Variants in SLC4A4 observed in about 807,000 individuals in gnomAD.
The protein encoded by SLC4A4 is electrogenic sodium bicarbonate cotransporter 1.
Under a neutral mutation model 111.5 loss-of-function variants are expected in SLC4A4, and 27 were observed. The observed-to-expected ratio is 0.24, with a 90% CI of 0.18 to 0.33. The LOEUF is 0.33. Ranked by LOEUF, SLC4A4 falls within the 10% of genes least tolerant of loss-of-function variation. The pLI, the probability that SLC4A4 is intolerant of heterozygous loss-of-function variation, is 1.00. For missense variants in SLC4A4, 909 were observed against 1,315.5 expected, an observed-to-expected ratio of 0.69 and a Z score of 4.78; for synonymous variants, 443 against 463.4, an observed-to-expected ratio of 0.96 and a Z score of 0.57.
intron 20 of SLC4A4, among the ~76,000 whole-genome samples, chr4:71,554,494 A>C (rs755012343): frequency 6.6e-6 from 1 of 151,844 alleles, no homozygotes; most frequent in South Asian, 2.1e-4. Context: ...TTGCTAATGC[A>C]TGAAAAGGTA....
At chr4:71,306,499 C>T (rs544542911) in intron 3 of SLC4A4, among the ~76,000 whole-genome samples, 4 of 152,074 alleles carry the variant, frequency 2.6e-5, no homozygotes, top group Non-Finnish European at 5.9e-5. Flanking sequence ...AGGATAATTG[C>T]TTGAACCCAG....
At chr4:71,491,256 A>G (rs1729878549) in intron 15 of SLC4A4, among the ~76,000 whole-genome samples, 1 of 151,876 alleles carries the variant, frequency 6.6e-6, no homozygotes, top group Non-Finnish European at 1.5e-5. Context: ...AAATAAGTAC[A>G]TCAACAACTT....
intron 23 of SLC4A4, among the ~76,000 whole-genome samples, chr4:71,562,887 G>A (rs917967216): frequency 6.6e-6 from 1 of 151,518 alleles, no homozygotes; most frequent in African/African-American, 2.4e-5. Context: ...AATTTTCCAT[G>A]TAGGTAATAG....
At chr4:71,503,300 A>C (rs1731113823) in intron 16 of SLC4A4, among the ~76,000 whole-genome samples, 1 of 149,048 alleles carries the variant, frequency 6.7e-6, no homozygotes, top group African/African-American at 2.5e-5. Context: ...ACTTAATTTC[A>C]TTTACATTCA....
chr4:71,298,212 T>C (rs77936763), intron 3 of SLC4A4, among the ~76,000 whole-genome samples: 62 of 152,332 alleles, frequency 4.1e-4, no homozygotes, highest in African/African-American at 1.4e-3. Flanking sequence ...CCATGAGCTG[T>C]CTTAATTCCA....
At chr4:71,556,947 C>T (rs1267062193) in intron 21 of SLC4A4, among the ~76,000 whole-genome samples, 2 of 151,918 alleles carry the variant, frequency 1.3e-5, no homozygotes, top group African/African-American at 2.4e-5. Flanking sequence ...GTGATAGGTT[C>T]TTGAATATCT....
intron 3 of SLC4A4, among the ~76,000 whole-genome samples, chr4:71,286,620 C>G (rs1348555255): frequency 6.6e-6 from 1 of 152,206 alleles, no homozygotes; most frequent in Non-Finnish European, 1.5e-5. Flanking sequence ...TCAGAAAACA[C>G]TGCCTCCTAT....
chr4:71,393,511 T>C (rs1578997270), intron 6 of SLC4A4, among the ~76,000 whole-genome samples: 1 of 152,040 alleles, frequency 6.6e-6, no homozygotes, highest in Non-Finnish European at 1.5e-5. Context: ...AAAGAAATCA[T>C]AGATGACACA....
At chr4:71,423,690 A>G (rs1722792151) in intron 7 of SLC4A4, among the ~76,000 whole-genome samples, 1 of 152,212 alleles carries the variant, frequency 6.6e-6, no homozygotes, top group Non-Finnish European at 1.5e-5. Context: ...AACGCCGCAT[A>G]TCTACAACTG....
At chr4:71,121,708 C>T (rs1019111949) in intron 2 of SLC4A4, among the ~76,000 whole-genome samples, 2 of 152,198 alleles carry the variant, frequency 1.3e-5, no homozygotes, top group Admixed American at 1.3e-4. Flanking sequence ...GACCAATCAG[C>T]AAGATGTGGG....
At chr4:71,327,435 T>A (rs1727586519) in intron 3 of SLC4A4, among the ~76,000 whole-genome samples, 1 of 152,030 alleles carries the variant, frequency 6.6e-6, no homozygotes, top group Admixed American at 6.6e-5. Context: ...TGAAGTCATA[T>A]CACTTAGTAG....
At chr4:71,213,803 T>C (rs1450499214) in intron 1 of SLC4A4, among the ~76,000 whole-genome samples, 2 of 152,168 alleles carry the variant, frequency 1.3e-5, no homozygotes, top group African/African-American at 4.8e-5. Flanking sequence ...TTTTTGGCCA[T>C]GGGAGGACAT....
chr4:71,377,795 G>A (rs142885070), intron 6 of SLC4A4, among the ~76,000 whole-genome samples: 10 of 152,192 alleles, frequency 6.6e-5, no homozygotes, highest in Non-Finnish European at 1.3e-4. Flanking sequence ...CATCATGTTT[G>A]TGTATATTTC....
chr4:71,182,132 G>A (rs1237588219), intron 2 of SLC4A4, among the ~76,000 whole-genome samples: 1 of 152,166 alleles, frequency 6.6e-6, no homozygotes, highest in African/African-American at 2.4e-5. Flanking sequence ...ACCCAGAAGA[G>A]TTCTTGACAC....
intron 1 of SLC4A4, among the ~76,000 whole-genome samples, chr4:71,197,030 C>T (rs1746042786): frequency 6.6e-6 from 1 of 151,620 alleles, no homozygotes; most frequent in Admixed American, 6.6e-5. Context: ...ATCTGAACAA[C>T]ATGGCGAAAC....
At chr4:71,412,297 T>C (rs1721426797) in intron 7 of SLC4A4, among the ~76,000 whole-genome samples, 1 of 152,218 alleles carries the variant, frequency 6.6e-6, no homozygotes, top group Admixed American at 6.5e-5. Flanking sequence ...GATGTAGTTA[T>C]GGTAACAGTG....
At chr4:71,197,735 AAG>A in intron 1 of SLC4A4, among the ~76,000 whole-genome samples, 1 of 152,334 alleles carries the variant, frequency 6.6e-6, no homozygotes, top group South Asian at 2.1e-4. Flanking sequence ...TAATAAAAAA[AAG>A]ATTTATAAGG....
At chr4:71,493,967 C>T (rs1262307180) in intron 15 of SLC4A4, among the ~76,000 whole-genome samples, 1 of 152,004 alleles carries the variant, frequency 6.6e-6, no homozygotes, top group African/African-American at 2.4e-5. Flanking sequence ...ATGACTTTTT[C>T]ATAGTGTTTT....
At chr4:71,153,033 G>GTGTGTATATATATATATATATATATA (rs386400441) in intron 2 of SLC4A4, among the ~76,000 whole-genome samples, 1 of 132,720 alleles carries the variant, frequency 7.5e-6, no homozygotes, top group African/African-American at 2.6e-5. Flanking sequence ...ATATGTGTGT[G>GTGTGTATATATATATATATATATATA]TATATATATA....
Sources: gnomAD v4.1 joint callset for allele counts (sites outside exome capture counted in the v4.1 genomes callset) on GRCh38, gnomAD v4.1.1 for gene constraint, MANE v1.5 for transcripts, NCBI Gene and HGNC (gene_info 2026-07-23, HGNC 2026-07-21) for gene names.